Variants in NBPF12 observed in about 807,000 individuals in gnomAD.
NBPF12 encodes NBPF member 12.
A neutral mutation model predicts 146.4 loss-of-function variants in NBPF12; 115 were observed. The observed-to-expected ratio is 0.79, with a 90% confidence interval of 0.68 to 0.92. The LOEUF (loss-of-function observed/expected upper bound fraction) is 0.92. Ranked by LOEUF, NBPF12 falls within the 40% of genes least tolerant of loss-of-function variation. NBPF12 has a pLI of 0.00. For synonymous variants in NBPF12, 385 were observed against 508.9 expected (o/e 0.76, Z 3.28); for missense variants, 1,205 against 1,326.8 (o/e 0.91, Z 1.43).
intron 10 of NBPF12, among the ~76,000 whole-genome samples, chr1:146,968,993 G>T (rs1227679983): frequency 6.6e-6 from 1 of 151,412 alleles, no homozygotes; most frequent in Non-Finnish European, 1.5e-5. Context: ...CACCCCATCT[G>T]CATCTGGCCT....
At chr1:146,938,347 C>T (rs1382166742), upstream of NBPF12, among the ~76,000 whole-genome samples, 12 of 152,096 alleles carry the variant, frequency 7.9e-5, no homozygotes, top group Admixed American at 2.0e-4. Context: ...TGGGGCGGTG[C>T]GGCAGCGCGA....
intron 4 of NBPF12, 149 bp downstream of exon 7, chr1:146,960,467 T>A (rs1294560916): frequency 8.1e-6 from 5 of 619,836 alleles, no homozygotes; most frequent in Non-Finnish European, 1.4e-5. Flanking sequence ...TTTGTTAAAG[T>A]TGGAAGACAG....
chr1:146,963,026 C>T lies in NBPF12; in HGVS notation c.279-69C>T. ...CTTGAGAACATTGTCTCAGAAATCT[C>T]TGTTGCAATATTTGAACGGATCACT... On this transcript the variant is annotated intron_variant, in intron 5 of 33. Coordinates refer to ENST00000617844, the Ensembl canonical transcript of NBPF12. 3 of 1,578,438 alleles carry T rather than the reference C, an allele frequency of 1.9e-6. No homozygotes were observed. The South Asian group carries it at 3.3e-5, about 17-fold the overall frequency.
At chr1:146,987,784 C>A (rs1218100026) in intron 25 of NBPF12, among the ~76,000 whole-genome samples, 170 bp from the exon 29 acceptor site, 1 of 151,244 alleles carries the variant, frequency 6.6e-6, no homozygotes, top group Non-Finnish European at 1.5e-5. Flanking sequence ...TCATTCTTTT[C>A]CATTTGGCCC....
At position 146,973,398 on chromosome 1, in the gene NBPF12, G is replaced by T. The variant is rs1469603245; in HGVS notation, c.1801+438G>T. On this transcript the variant is annotated intron_variant, in intron 14 of 33. Coordinates refer to ENST00000617844, the Ensembl canonical transcript of NBPF12. ...AAAGCTCTGTTCTAGTGACTCTGAG[G>T]GAAACTTGGTGATAGTAGCCAGTAC... 4.6e-5 allele frequency among the ~76,000 whole-genome samples: 7 copies of T among 151,776 alleles called. No homozygotes were observed. The East Asian group carries it at 1.2e-3, about 25-fold the overall frequency.
At chr1:146,972,358 C>T (rs1656701880) in intron 13 of NBPF12, among the ~76,000 whole-genome samples, 2 of 151,218 alleles carry the variant, frequency 1.3e-5, no homozygotes, top group African/African-American at 2.5e-5. Flanking sequence ...TGTGCCTCTG[C>T]ACTGCAGCCT....
At chr1:146,971,509 AC>A (rs1656610187) in intron 13 of NBPF12, 115 bp downstream of exon 16, 3 of 759,098 alleles carry the variant, frequency 4.0e-6, no homozygotes, top group Non-Finnish European at 4.2e-6. Context: ...CTAGGATGGA[AC>A]TAGGTGCTGT....
chr1:146,956,050 G>A (rs1205401262), intron 2 of NBPF12, among the ~76,000 whole-genome samples: 3 of 151,556 alleles, frequency 2.0e-5, no homozygotes, highest in Non-Finnish European at 4.4e-5. Context: ...TGTTAGGGAG[G>A]CCTGTGTTAG....
chr1:146,982,249 C>A (rs1389467987), intron 19 of NBPF12, among the ~76,000 whole-genome samples: 4 of 130,492 alleles, frequency 3.1e-5, no homozygotes, highest in South Asian at 3.2e-4. Flanking sequence ...GCGTGGATGT[C>A]TTTTTTGTTG....
exon 20 of NBPF12, chr1:146,983,067 G>A (rs1657492755): frequency 3.1e-6 from 5 of 1,604,044 alleles, no homozygotes; most frequent in Non-Finnish European, 4.2e-6. Context: ...GGAACAGCAA[G>A]TCTGCATGGC....
At chr1:146,940,555 CAAAA>C (rs1176310781) in intron 1 of NBPF12, among the ~76,000 whole-genome samples, 8 of 133,652 alleles carry the variant, frequency 6.0e-5, no homozygotes, top group Admixed American at 7.3e-5. Context: ...AACCCTGCCT[CAAAA>C]AAAAAAAAAA....
intron 15 of NBPF12, among the ~76,000 whole-genome samples, 190 bp from the exon 19 acceptor site, chr1:146,975,487 C>G (rs1656932056): frequency 6.7e-6 from 1 of 149,488 alleles, no homozygotes; most frequent in Non-Finnish European, 1.5e-5. Context: ...CAGGAGCCCT[C>G]TCTGATACAG....
intron 1 of NBPF12, among the ~76,000 whole-genome samples, chr1:146,940,419 C>A (rs1210926288): frequency 6.6e-6 from 1 of 151,892 alleles, no homozygotes; most frequent in Non-Finnish European, 1.5e-5. Flanking sequence ...GCCTGGGCAA[C>A]GTGGCAAAAT....
At chr1:146,949,997 C>G (rs1286494640) in intron 1 of NBPF12, among the ~76,000 whole-genome samples, 10 of 151,982 alleles carry the variant, frequency 6.6e-5, no homozygotes, top group Admixed American at 4.6e-4. Context: ...ATCTTAAAGT[C>G]ATATAACTGG....
chr1:146,970,026 T>A (rs1301813044), intron 11 of NBPF12, among the ~76,000 whole-genome samples: 15 of 149,476 alleles, frequency 1.0e-4, no homozygotes, highest in Non-Finnish European at 2.1e-4. Flanking sequence ...AGACAAATTG[T>A]CTCTTTCAAG....
At position 146,963,090 on chromosome 1, in the gene NBPF12, C is replaced by A. The variant is rs1399202932; in HGVS notation, c.279-5C>A. 7 of 1,609,734 alleles carry A rather than the reference C, an allele frequency of 4.3e-6. No homozygotes were observed. The highest frequency in any genetic ancestry group is 5.1e-6 in the Non-Finnish European group (6 of 1,178,182). On this transcript the variant is annotated splice_region_variant and splice_polypyrimidine_tract_variant and intron_variant, in intron 5 of 33. Coordinates refer to ENST00000617844, the Ensembl canonical transcript of NBPF12. ...TGTTAAATTTTCTCTACCGTCTCAC[C>A]TTAGGCAATATAAAGTCCTGGTTCA...
At chr1:146,951,201 C>T (rs1426990674) in intron 1 of NBPF12, 147 bp from the exon 5 acceptor site, 3 of 605,978 alleles carry the variant, frequency 5.0e-6, no homozygotes, top group Non-Finnish European at 8.8e-6. Context: ...ATAAAGAATC[C>T]TGTGACCAGT....
At chr1:146,995,820 T>C (rs1463927755) in exon 34 of NBPF12, 33 of 150,336 alleles carry the variant, frequency 2.2e-4, no homozygotes, top group African/African-American at 7.7e-4. Flanking sequence ...ACCTTACTTA[T>C]AATGAAGTAC....
Position 146,950,814 on chromosome 1 carries a change from T to G in NBPF12, c.-325-534T>G, listed in dbSNP as rs1156566257. Among the ~76,000 whole-genome samples, 1,319 of 152,218 alleles carry G rather than the reference T, an allele frequency of 8.7e-3. 22 individuals carry two copies. The highest frequency in any genetic ancestry group is 0.03 in the African/African-American group (1,263 of 41,476). Reference sequence around the variant, plus strand: ...ATACAAGAATGTATCCATTCTTGTATTGATAGATATTTGAATGTTTCCAGT... The same window carrying G: ...ATACAAGAATGTATCCATTCTTGTAGTGATAGATATTTGAATGTTTCCAGT... On this transcript the variant is annotated intron_variant, in intron 1 of 33. Coordinates refer to ENST00000617844, the Ensembl canonical transcript of NBPF12.
Sources: gnomAD v4.1 joint callset for allele counts (sites outside exome capture counted in the v4.1 genomes callset) on GRCh38, gnomAD v4.1.1 for gene constraint, MANE v1.5 for transcripts, NCBI Gene and HGNC (gene_info 2026-07-23, HGNC 2026-07-21) for gene names.